Variants in RAB3C observed in about 807,000 individuals in gnomAD.
RAB3C encodes the protein RAB3C, member RAS oncogene family, also known as ras-related protein Rab-3C.
In RAB3C, 17 loss-of-function variants were observed where a neutral mutation model predicts 26.4. The observed-to-expected ratio is 0.64, with a 90% confidence interval of 0.44 to 0.97. The LOEUF (loss-of-function observed/expected upper bound fraction) is 0.97, where lower values mean the gene tolerates loss of function less well. RAB3C is among the 50% of genes least tolerant of loss of function. The pLI, the probability that RAB3C is intolerant of heterozygous loss-of-function variation, is 0.00. For missense variants in RAB3C, 242 were observed against 281.9 expected, an observed-to-expected ratio of 0.86 and a Z score of 1.01; for synonymous variants, 91 against 95.9, an observed-to-expected ratio of 0.95 and a Z score of 0.30.
Position 58,853,758 on chromosome 5 carries a change from C to A in RAB3C, c.*2407C>A, listed in dbSNP as rs1335743976. ...TTTCTAAACCCCAATGGAAGTGAGG[C>A]CTTTTTCATTGATTCTCAGTTCTGA... On this transcript the variant is annotated 3_prime_UTR_variant, in exon 5 of 5. Transcript: ENST00000282878. 3 of 152,086 alleles carry A rather than the reference C, an allele frequency of 2.0e-5. No homozygotes were observed. The highest frequency in any genetic ancestry group is 2.9e-5 in the Non-Finnish European group (2 of 68,020). 9.4% of individuals were successfully genotyped at this position (152,086 alleles called of 1,614,324 possible).
chr5:58,745,618 G>A (rs1017707429), intron 3 of RAB3C, among the ~76,000 whole-genome samples: 10 of 152,186 alleles, frequency 6.6e-5, no homozygotes, highest in Middle Eastern at 3.4e-3. Context: ...TTGATAATGA[G>A]AGTAAAGTCC....
intron 2 of RAB3C, among the ~76,000 whole-genome samples, chr5:58,682,033 G>C (rs561554693): frequency 6.6e-6 from 1 of 152,270 alleles, no homozygotes; most frequent in Admixed American, 6.5e-5. Context: ...TCAAGCTTTT[G>C]TAACTGATGT....
chr5:58,837,557 C>CTT (rs36020735), intron 4 of RAB3C, among the ~76,000 whole-genome samples: 53,075 of 118,582 alleles, frequency 0.45, 13,352 homozygotes, highest in Non-Finnish European at 0.56. Context: ...TTCAGTCTCT[C>CTT]TTTTTTTTTT....
intron 3 of RAB3C, among the ~76,000 whole-genome samples, chr5:58,765,140 C>G (rs932779572): frequency 1.3e-5 from 2 of 152,160 alleles, no homozygotes; most frequent in Admixed American, 1.3e-4. Flanking sequence ...GAGGATCATG[C>G]ATTGCTTGGG....
chr5:58,729,231 CTT>C (rs916983122), intron 3 of RAB3C, among the ~76,000 whole-genome samples: 2 of 151,940 alleles, frequency 1.3e-5, no homozygotes, highest in African/African-American at 2.4e-5. Context: ...TATATGCACT[CTT>C]ATTTTTTTCT....
intron 1 of RAB3C, among the ~76,000 whole-genome samples, chr5:58,610,283 T>C (rs1248411324): frequency 6.6e-6 from 1 of 150,828 alleles, no homozygotes; most frequent in Admixed American, 6.6e-5. Context: ...GGTCATATGG[T>C]AAATACAATT....
At position 58,693,322 on chromosome 5, in the gene RAB3C, T is replaced by TTATA. The variant is rs1554048040; in HGVS notation, c.253-32672_253-32669dup. On this transcript the variant is annotated intron_variant, in intron 2 of 4. Coordinates refer to ENST00000282878, the MANE Select transcript of RAB3C (RefSeq NM_138453.4). ...TAATTATATAAATAAAATTAAGAAA[T>TTATA]TATATATATATGTGTATATATATAT... Among the ~76,000 whole-genome samples, 647 of 75,174 alleles carry TTATA rather than the reference T, an allele frequency of 8.6e-3. 19 individuals carry two copies. The highest frequency in any genetic ancestry group is 0.039 in the African/African-American group (585 of 14,996). 49.3% of individuals were successfully genotyped at this position (75,174 alleles called of 152,430 possible). A position where few individuals can be genotyped will look rare whatever the true frequency, so the allele number is the denominator to read the frequency against.
chr5:58,805,904 A>G (rs1203969530), intron 3 of RAB3C, among the ~76,000 whole-genome samples: 1 of 152,168 alleles, frequency 6.6e-6, no homozygotes, highest in African/African-American at 2.4e-5. Flanking sequence ...GTCTGTATAC[A>G]TAACCAGGTT....
intron 2 of RAB3C, among the ~76,000 whole-genome samples, chr5:58,648,205 CCA>C (rs1747568182): frequency 6.7e-6 from 1 of 150,248 alleles, no homozygotes; most frequent in Non-Finnish European, 1.5e-5. Context: ...ACAGAAGACC[CCA>C]GGTTGGCCTC....
In RAB3C at chr5:58,826,315, T is replaced by C. The variant is rs1020614728; in HGVS notation, c.496+1153T>C. On this transcript the variant is annotated intron_variant, in intron 4 of 4. Transcript: ENST00000282878. The stretch of plus-strand genomic sequence containing the variant: ...GTAGAATTTGCAACTACAAAGGAGA[T>C]GAGGCATTATGAGTAAAGGGCACAG... 2.5e-4 allele frequency among the ~76,000 whole-genome samples: 38 copies of C among 151,982 alleles called. 1 individual carries two copies. The highest frequency in any genetic ancestry group is 1.4e-3 in the Admixed American group (21 of 15,260).
chr5:58,654,325 G>C (rs1197388073), intron 2 of RAB3C, among the ~76,000 whole-genome samples: 1 of 152,092 alleles, frequency 6.6e-6, no homozygotes, highest in Non-Finnish European at 1.5e-5. Context: ...TCTTTCCAAA[G>C]AGCTTAGCAA....
At chr5:58,667,079 C>CCAATGTCT (rs1278699642) in intron 2 of RAB3C, among the ~76,000 whole-genome samples, 1 of 152,056 alleles carries the variant, frequency 6.6e-6, no homozygotes, top group African/African-American at 2.4e-5. Flanking sequence ...AGTTGCTTTC[C>CCAATGTCT]CAATGTCTTT....
intron 3 of RAB3C, among the ~76,000 whole-genome samples, chr5:58,747,035 T>G (rs1741415813): frequency 6.6e-6 from 1 of 152,214 alleles, no homozygotes; most frequent in Non-Finnish European, 1.5e-5. Flanking sequence ...AGTTCTCTCA[T>G]TCCTCTCAGG....
At chr5:58,797,130 C>G (rs1002377851) in intron 3 of RAB3C, among the ~76,000 whole-genome samples, 1 of 151,530 alleles carries the variant, frequency 6.6e-6, no homozygotes, top group Non-Finnish European at 1.5e-5. Flanking sequence ...TGAATTCAAG[C>G]TAAATATTGT....
At chr5:58,582,403 C>G, upstream of RAB3C, 17 of 985,398 alleles carry the variant, frequency 1.7e-5, no homozygotes, top group South Asian at 4.7e-5. Flanking sequence ...TGTAATGGAG[C>G]TGTATGGAAA....
intron 1 of RAB3C, among the ~76,000 whole-genome samples, chr5:58,598,476 A>C (rs1353895608): frequency 8.6e-5 from 13 of 151,966 alleles, no homozygotes; most frequent in African/African-American, 2.4e-5. Flanking sequence ...TCCCCTTATT[A>C]GTCTAGACAT....
chr5:58,714,793 G>A (rs1316297164), intron 2 of RAB3C, among the ~76,000 whole-genome samples: 1 of 151,018 alleles, frequency 6.6e-6, no homozygotes, highest in African/African-American at 2.4e-5. Context: ...AATGAGATTA[G>A]ACAAAATAGA....
At chr5:58,622,162 C>T (rs181484120) in intron 2 of RAB3C, among the ~76,000 whole-genome samples, 75 of 152,232 alleles carry the variant, frequency 4.9e-4, no homozygotes, top group Admixed American at 2.4e-3. Flanking sequence ...ACAACTTCAA[C>T]TTACTCTGGG....
At chr5:58,844,207 C>A (rs1267398917) in intron 4 of RAB3C, among the ~76,000 whole-genome samples, 1 of 152,124 alleles carries the variant, frequency 6.6e-6, no homozygotes, top group South Asian at 2.1e-4. Flanking sequence ...GGTGATTAAC[C>A]TTTGTACATC....
Sources: gnomAD v4.1 joint callset for allele counts (sites outside exome capture counted in the v4.1 genomes callset) on GRCh38, gnomAD v4.1.1 for gene constraint, MANE v1.5 for transcripts, NCBI Gene and HGNC (gene_info 2026-07-23, HGNC 2026-07-21) for gene names.